Variants in LMX1B observed in about 807,000 individuals in gnomAD.
LMX1B encodes LIM homeobox transcription factor 1-beta.
A neutral mutation model predicts 51.4 loss-of-function variants in LMX1B; 12 were observed. The observed-to-expected ratio is 0.23, with a 90% CI of 0.15 to 0.38. LMX1B has a LOEUF of 0.38. Among genes scored for constraint, LMX1B ranks in the 10% least tolerant of loss-of-function variants. The probability of loss-of-function intolerance (pLI) is 1.00; values close to 1 mark genes in which losing one functional copy is unlikely to be tolerated. For synonymous variants in LMX1B, 237 were observed against 235.4 expected, an observed-to-expected ratio of 1.01 and a Z score of -0.06; for missense variants, 445 against 571.1, an observed-to-expected ratio of 0.78 and a Z score of 2.25.
intron 2 of LMX1B, among the ~76,000 whole-genome samples, chr9:126,629,453 A>G (rs1835596595): frequency 6.6e-6 from 1 of 152,224 alleles, no homozygotes; most frequent in African/African-American, 2.4e-5. Flanking sequence ...CAACCGAGGC[A>G]CAGAGAAGTT....
chr9:126,623,493 G>A (rs1043998343), intron 2 of LMX1B, among the ~76,000 whole-genome samples: 1 of 152,230 alleles, frequency 6.6e-6, no homozygotes, highest in Non-Finnish European at 1.5e-5. Flanking sequence ...AGGAAACTGA[G>A]GCTGAGCAGC....
chr9:126,687,349 C>T (rs2029939910), intron 2 of LMX1B, among the ~76,000 whole-genome samples: 1 of 152,124 alleles, frequency 6.6e-6, no homozygotes, highest in African/African-American at 2.4e-5. Flanking sequence ...TTGCCTCAAC[C>T]TCCGGAGTAG....
chr9:126,613,963 A>G lies in LMX1B; in HGVS notation c.-487A>G, dbSNP rs1835239421. ...CTAAACCCGGCGGCTCAGCGGGCGC[A>G]CCATGGCACTGGAGTAGCGCGGGGA... On this transcript the variant is annotated 5_prime_UTR_variant, in exon 1 of 8. Transcript: ENST00000373474. This position sits in a 1 kb window ranked among gnomAD's most constrained non-coding sequence, Gnocchi z 4.5. Among the ~76,000 whole-genome samples, 1 of 145,412 alleles carries G rather than the reference A, an allele frequency of 6.9e-6. No homozygotes were observed. The highest frequency in any genetic ancestry group is 2.1e-4 in the South Asian group (1 of 4,758).
chr9:126,672,722 C>CG (rs1376539691), intron 2 of LMX1B, among the ~76,000 whole-genome samples: 1 of 152,106 alleles, frequency 6.6e-6, no homozygotes, highest in East Asian at 1.9e-4. Flanking sequence ...ACATGGGGTG[C>CG]GGGGGGCTGA....
Position 126,663,347 on chromosome 9 carries a change from C to G in LMX1B, c.327-27489C>G, listed in dbSNP as rs565974937. Among the ~76,000 whole-genome samples, 112 of 151,642 alleles carry G rather than the reference C, an allele frequency of 7.4e-4. 1 individual carries two copies. Among genetic ancestry groups the G allele is most frequent in the African/African-American group, 2.6e-3 (106 of 41,284 alleles). The stretch of plus-strand genomic sequence containing the variant: ...GGCTGAGGCAGGAGAATCACTTAAC[C>G]CGGGAGGCAGAGGTTGCAGTGAGCC... On this transcript the variant is annotated intron_variant, in intron 2 of 7. Transcript: ENST00000373474.
intron 2 of LMX1B, among the ~76,000 whole-genome samples, chr9:126,640,243 TG>T (rs1835784822): frequency 6.6e-6 from 1 of 151,922 alleles, no homozygotes; most frequent in African/African-American, 2.4e-5. Flanking sequence ...GGCTGAGGTG[TG>T]GGGGTGCTGG....
At position 126,700,330 on chromosome 9, in the gene LMX1B, G is replaced by C. The variant is rs1045405549; in HGVS notation, c.*3879G>C. 6.6e-6 allele frequency: 1 copy of C among 152,222 alleles called. No homozygotes were observed. The highest frequency in any genetic ancestry group is 2.4e-5 in the African/African-American group (1 of 41,458). 9.4% of individuals were successfully genotyped at this position (152,222 alleles called of 1,614,324 possible). A position where few individuals can be genotyped will look rare whatever the true frequency, so the allele number is the denominator to read the frequency against. On this transcript the variant is annotated 3_prime_UTR_variant, in exon 8 of 8. Transcript: ENST00000373474. ...GCCCTGGCGCTGCATCAGATGAGCA[G>C]GGCCTGGCAGGGACAAGCCTCTTCT... is the stretch of plus-strand genomic sequence containing the variant.
At position 126,673,995 on chromosome 9, in the gene LMX1B, G is replaced by A. The variant is rs1445138376; in HGVS notation, c.327-16841G>A. Among the ~76,000 whole-genome samples, 5 of 152,292 alleles carry A rather than the reference G, an allele frequency of 3.3e-5. No individual in the cohort carries two copies. Among genetic ancestry groups the A allele is most frequent in the Admixed American group, 6.5e-5 (1 of 15,294 alleles). ...GCTGGCTGATAGATGGGGATGGGCG[G>A]ACTGTTAACCCCTCGTTGCCTGCAC... is the stretch of plus-strand genomic sequence containing the variant. On this transcript the variant is annotated intron_variant, in intron 2 of 7. Transcript: ENST00000373474. This position sits in a 1 kb window ranked among gnomAD's most constrained non-coding sequence, Gnocchi z 4.4.
chr9:126,614,086 C>T lies in LMX1B; in HGVS notation c.-364C>T, dbSNP rs1293535105. Reference sequence around the variant, plus strand: ...CGCGGGGCCGCCCCTGCACCCCCACCCCCTCCCCCGCCTGCCGCCGCCGCC... The same window carrying T: ...CGCGGGGCCGCCCCTGCACCCCCACTCCCTCCCCCGCCTGCCGCCGCCGCC... On this transcript the variant is annotated 5_prime_UTR_variant, in exon 1 of 8. Transcript: ENST00000373474. 7.1e-6 allele frequency among the ~76,000 whole-genome samples: 1 copy of T among 140,296 alleles called. No individual in the cohort carries two copies. The highest frequency in any genetic ancestry group is 1.6e-5 in the Non-Finnish European group (1 of 63,386). 92.0% of individuals were successfully genotyped at this position (140,296 alleles called of 152,430 possible).
chr9:126,665,768 A>G (rs944257441), intron 2 of LMX1B, among the ~76,000 whole-genome samples: 12 of 152,354 alleles, frequency 7.9e-5, no homozygotes, highest in African/African-American at 2.9e-4. Context: ...CCCCCCGGGT[A>G]GCCCGCTACC....
At chr9:126,642,469 A>G (rs1835826935) in intron 2 of LMX1B, among the ~76,000 whole-genome samples, 1 of 151,946 alleles carries the variant, frequency 6.6e-6, no homozygotes, top group South Asian at 2.1e-4. Context: ...TTCCTCCACC[A>G]AGAATGCTTT....
At chr9:126,679,637 C>T (rs1836635834) in intron 2 of LMX1B, among the ~76,000 whole-genome samples, 1 of 152,036 alleles carries the variant, frequency 6.6e-6, no homozygotes, top group African/African-American at 2.4e-5. Context: ...GACCTATCCT[C>T]CTTAGCACAA....
Position 126,615,326 on chromosome 9 carries a change from A to T in LMX1B, c.140-57A>T. ...GGGCTGTGGGCCCGGTGCGACCGGG[A>T]CGCCGGGGCTGGGCCGGGCGGCGCT... On this transcript the variant is annotated intron_variant, in intron 1 of 7. Transcript: ENST00000373474. The surrounding 1 kb of genome is among the most constrained non-coding windows in gnomAD (Gnocchi z 6.0). 3 of 1,366,386 alleles carry T rather than the reference A, an allele frequency of 2.2e-6. No individual in the cohort carries two copies. The highest frequency in any genetic ancestry group is 2.9e-6 in the Non-Finnish European group (3 of 1,050,958). The allele number at this position is 1,366,386 out of a possible 1,614,324, so 84.6% of individuals were successfully genotyped here. A position where few individuals can be genotyped will look rare whatever the true frequency, so the allele number is the denominator to read the frequency against.
chr9:126,617,054 G>A (rs1031686659), intron 2 of LMX1B, among the ~76,000 whole-genome samples: 9 of 152,242 alleles, frequency 5.9e-5, no homozygotes, highest in Admixed American at 2.0e-4. Flanking sequence ...TTTGTGCTGT[G>A]CTCTGAACTA....
In LMX1B at chr9:126,641,648, C is replaced by T. The variant is rs1038205845; in HGVS notation, c.326+26079C>T. Among the ~76,000 whole-genome samples, 1 of 152,186 alleles carries T rather than the reference C, an allele frequency of 6.6e-6. No individual in the cohort carries two copies. The highest frequency in any genetic ancestry group is 2.4e-5 in the African/African-American group (1 of 41,442). On this transcript the variant is annotated intron_variant, in intron 2 of 7. Coordinates refer to ENST00000373474, the MANE Select transcript of LMX1B (RefSeq NM_001174147.2). This position sits in a 1 kb window ranked among gnomAD's most constrained non-coding sequence, Gnocchi z 4.1. ...CAAGTTTCTGTCCTTGAGCCAGTCC[C>T]TCCGCTGGAACCCACCACGCTGCTT...
intron 2 of LMX1B, among the ~76,000 whole-genome samples, chr9:126,632,830 G>A (rs191976037): frequency 2.7e-3 from 411 of 152,342 alleles, no homozygotes; most frequent in Admixed American, 5.3e-3. Flanking sequence ...GGCTTGACCT[G>A]TGCAGCCCCA....
chr9:126,644,505 G>A (rs1835864723), intron 2 of LMX1B, among the ~76,000 whole-genome samples: 1 of 152,156 alleles, frequency 6.6e-6, no homozygotes, highest in Non-Finnish European at 1.5e-5. Flanking sequence ...CGCAGCCTTA[G>A]GACAGTTATC....
At chr9:126,648,166 G>A (rs575281617) in intron 2 of LMX1B, among the ~76,000 whole-genome samples, 60 of 152,366 alleles carry the variant, frequency 3.9e-4, no homozygotes, top group Non-Finnish European at 5.7e-4. Flanking sequence ...AAAATGAACC[G>A]TGGCAGGCGT....
chr9:126,633,793 A>C lies in LMX1B; in HGVS notation c.326+18224A>C, dbSNP rs149152553. Among the ~76,000 whole-genome samples the C allele has an allele frequency of 9.8e-5, 15 of 152,314 alleles. 1 individual carries two copies. The highest frequency in any genetic ancestry group is 3.6e-4 in the African/African-American group (15 of 41,564). ...TATTTCCAGAGCCTTTACCCTGTGC[A>C]GCCACTGATTTAAGGATCACATTAT... On this transcript the variant is annotated intron_variant, in intron 2 of 7. Coordinates refer to ENST00000373474, the MANE Select transcript of LMX1B (RefSeq NM_001174147.2).
Sources: gnomAD v4.1 joint callset for allele counts (sites outside exome capture counted in the v4.1 genomes callset) on GRCh38, gnomAD v4.1.1 for gene constraint, Gnocchi (gnomAD v3.1) non-coding constraint, MANE v1.5 for transcripts, NCBI Gene and HGNC (gene_info 2026-07-23, HGNC 2026-07-21) for gene names.